HIVEP1: variants seen among roughly 807,000 people sequenced by gnomAD.
HIVEP1 encodes HIVEP zinc finger 1, also known as zinc finger protein 40.
HIVEP1 carries 36 observed loss-of-function variants against 180.0 expected under a neutral mutation model. The observed-to-expected ratio is 0.20, with a 90% confidence interval of 0.15 to 0.26. HIVEP1 has a LOEUF of 0.26. Ranked by LOEUF, HIVEP1 falls within the 10% of genes least tolerant of loss-of-function variation. HIVEP1 has a pLI of 1.00. For missense variants in HIVEP1, 3,143 were observed against 3,268.7 expected (o/e 0.96, Z 0.94); for synonymous variants, 1,239 against 1,239.0 (o/e 1.00, Z 0.00).
At chr6:12,102,949 T>A (rs1774198802) in intron 3 of HIVEP1, among the ~76,000 whole-genome samples, 1 of 152,096 alleles carries the variant, frequency 6.6e-6, no homozygotes, top group African/African-American at 2.4e-5. Flanking sequence ...TTTAAATATT[T>A]TGTATTTTAA....
chr6:12,130,838 G>A lies in HIVEP1; in HGVS notation c.6281G>A (p.Gly2094Glu). The A allele has an allele frequency of 6.2e-7, 1 of 1,611,776 alleles. No individual in the cohort carries two copies. Among genetic ancestry groups the A allele is most frequent in the Non-Finnish European group, 8.5e-7 (1 of 1,177,936 alleles). ...GRGKYICEEC[G>E]IRCKKPSMLK... is the part of the protein sequence containing the mutation. ...GGAAAATACATTTGTGAAGAATGTG[G>A]AATACGTTGTAAGAAACCTAGCATG... The change falls in exon 6 of 9, where the codon GGA becomes GAA. Residue 2094 changes from glycine (G) to glutamate (E), a missense_variant. Around this residue, in one of 12 missense-constraint regions of HIVEP1, gnomAD observed 126 missense variants for 168.5 expected, o/e 0.75. Transcript: ENST00000379388.
intron 2 of HIVEP1, among the ~76,000 whole-genome samples, chr6:12,057,354 G>A (rs1770949061): frequency 6.6e-6 from 1 of 152,138 alleles, no homozygotes; most frequent in East Asian, 1.9e-4. Context: ...CTATAGCATT[G>A]TTTGTTGGAA....
At chr6:12,008,792 G>T (rs1767131534), upstream of HIVEP1, 1 of 152,146 alleles carries the variant, frequency 6.6e-6, no homozygotes, top group Admixed American at 6.5e-5. Flanking sequence ...CAACCTAGGA[G>T]GCTTTTGGTT....
At chr6:12,053,464 A>G (rs1208846668) in intron 2 of HIVEP1, among the ~76,000 whole-genome samples, 1 of 152,180 alleles carries the variant, frequency 6.6e-6, no homozygotes, top group Non-Finnish European at 1.5e-5. Flanking sequence ...AACACCATTA[A>G]TTATAAATTA....
intron 7 of HIVEP1, among the ~76,000 whole-genome samples, chr6:12,146,999 G>A (rs1452134697): frequency 6.6e-6 from 1 of 152,180 alleles, no homozygotes; most frequent in African/African-American, 2.4e-5. Context: ...GGCTGTTGGT[G>A]AGGAGGGAAA....
intron 2 of HIVEP1, among the ~76,000 whole-genome samples, chr6:12,032,536 AT>A: frequency 6.6e-6 from 1 of 152,180 alleles, no homozygotes; most frequent in Non-Finnish European, 1.5e-5. Flanking sequence ...TGGGATTGGG[AT>A]TGAATCCTGG....
intron 1 of HIVEP1, among the ~76,000 whole-genome samples, chr6:12,013,294 C>G (rs1767510330): frequency 6.6e-6 from 1 of 152,214 alleles, no homozygotes; most frequent in Non-Finnish European, 1.5e-5. Flanking sequence ...CACATTCATT[C>G]ATGTTTTTTC....
chr6:12,208,684 G>T, the HIVEP1 span, among the ~76,000 whole-genome samples: 1 of 152,158 alleles, frequency 6.6e-6, no homozygotes. Context: ...GTCCTTAGAA[G>T]AAGAGGAGAG....
intron 7 of HIVEP1, among the ~76,000 whole-genome samples, chr6:12,160,862 C>T (rs1200639523): frequency 2.0e-5 from 3 of 152,220 alleles, no homozygotes; most frequent in Admixed American, 2.0e-4. Context: ...GCTGTCTCAT[C>T]TTAATGCCTC....
chr6:12,062,386 G>A (rs1395561232), intron 2 of HIVEP1, among the ~76,000 whole-genome samples: 3 of 151,880 alleles, frequency 2.0e-5, no homozygotes, highest in Admixed American at 6.6e-5. Flanking sequence ...TTTTGAGTAC[G>A]ATATTTAAAT....
intron 6 of HIVEP1, among the ~76,000 whole-genome samples, chr6:12,131,779 TAAAAAAAAAAA>T (rs143910763): frequency 0.017 from 1,523 of 90,678 alleles, 43 homozygotes; most frequent in African/African-American, 0.063. Flanking sequence ...GAGAAAACAG[TAAAAAAAAAAA>T]AAAAAAAAAA....
intron 2 of HIVEP1, chr6:12,039,140 TAAAA>T (rs564074093): frequency 6.6e-6 from 1 of 152,078 alleles, no homozygotes; most frequent in African/African-American, 2.4e-5. Flanking sequence ...CTACTTCAGC[TAAAA>T]AAAATCTGTG....
At chr6:12,117,349 T>A (rs1258237450) in intron 3 of HIVEP1, among the ~76,000 whole-genome samples, 4 of 152,250 alleles carry the variant, frequency 2.6e-5, no homozygotes, top group Non-Finnish European at 5.9e-5. Flanking sequence ...GTCATCTATA[T>A]GTAAAATCAA....
At position 12,124,751 on chromosome 6, in the gene HIVEP1, C is replaced by T. The variant is rs1000820344; in HGVS notation, c.4956C>T (p.Leu1652=). 3 of 1,614,158 alleles carry T rather than the reference C, an allele frequency of 1.9e-6. No individual in the cohort carries two copies. The highest frequency in any genetic ancestry group is 1.7e-5 in the Admixed American group (1 of 60,022). ...SSVPAYCFAT[L]TSLPQILVTQ... is the part of the protein sequence containing the mutation. ...TTCCTGCTTACTGTTTTGCTACACT[C>T]ACATCCCTGCCACAAATACTAGTGA... Residue 1652 remains leucine, a synonymous_variant, in exon 4 of 9, where the codon CTC becomes CTT. Coordinates refer to ENST00000379388, the MANE Select transcript of HIVEP1 (RefSeq NM_002114.4).
intron 2 of HIVEP1, among the ~76,000 whole-genome samples, chr6:12,054,145 T>A (rs1426367193): frequency 6.6e-6 from 1 of 152,236 alleles, no homozygotes; most frequent in African/African-American, 2.4e-5. Context: ...TCAATTGTGA[T>A]GCCAACTCAA....
In HIVEP1 at chr6:12,017,109, A is replaced by G. The variant is rs12190917; in HGVS notation, c.40+1441A>G. 0.012 allele frequency among the ~76,000 whole-genome samples: 1,788 copies of G among 152,358 alleles called. 64 individuals are homozygous for G. The East Asian group carries it at 0.15, about 13-fold the overall frequency. Reference sequence around the variant, plus strand: ...ATTAAACATTTTTCATATTTAAAATATATGTTCATAACATTCTAGATAAAA... The same window carrying G: ...ATTAAACATTTTTCATATTTAAAATGTATGTTCATAACATTCTAGATAAAA... On this transcript the variant is annotated intron_variant, in intron 2 of 8. Coordinates refer to ENST00000379388, the MANE Select transcript of HIVEP1 (RefSeq NM_002114.4).
Position 12,063,166 on chromosome 6 carries a change from T to C in HIVEP1, c.41-26018T>C, listed in dbSNP as rs1442347667. ...TAAAGAGGATATGATTAAAGTAATA[T>C]TGAATGCTTTTCAGTTATCATTAAA... On this transcript the variant is annotated intron_variant, in intron 2 of 8. Transcript: ENST00000379388. This position sits in a 1 kb window ranked among gnomAD's most constrained non-coding sequence, Gnocchi z 4.2. Among the ~76,000 whole-genome samples the C allele has an allele frequency of 6.6e-6, 1 of 152,238 alleles. No homozygotes were observed.
At chr6:12,013,551 C>G (rs1336293981) in intron 1 of HIVEP1, among the ~76,000 whole-genome samples, 1 of 152,152 alleles carries the variant, frequency 6.6e-6, no homozygotes, top group Admixed American at 6.5e-5. Context: ...TACATTTATG[C>G]TCCGGATCCC....
intron 2 of HIVEP1, among the ~76,000 whole-genome samples, chr6:12,085,410 G>T (rs1239464723): frequency 1.3e-5 from 2 of 152,008 alleles, no homozygotes; most frequent in Non-Finnish European, 2.9e-5. Flanking sequence ...GAACAGAAGT[G>T]GCAAAGGGCA....
Sources: allele counts gnomAD v4.1 joint callset (sites outside exome capture counted in the v4.1 genomes callset), GRCh38; gene constraint gnomAD v4.1.1; regional missense constraint gnomAD v4.1.1; non-coding constraint Gnocchi (gnomAD v3.1); transcripts MANE v1.5; gene names NCBI Gene and HGNC (gene_info 2026-07-23, HGNC 2026-07-21).